FAM53C: variants seen among roughly 807,000 people sequenced by gnomAD.
FAM53C encodes the protein family with sequence similarity 53 member C.
Under a neutral mutation model 34.7 loss-of-function variants are expected in FAM53C, and 10 were observed. That is an observed-to-expected ratio of 0.29 (90% CI 0.18 to 0.49). The LOEUF is 0.49. Among genes scored for constraint, FAM53C ranks in the 20% least tolerant of loss-of-function variants. The probability of loss-of-function intolerance (pLI) is 0.99; values close to 1 mark genes in which losing one functional copy is unlikely to be tolerated. For missense variants in FAM53C, 442 were observed against 515.3 expected, an observed-to-expected ratio of 0.86 and a Z score of 1.38; for synonymous variants, 203 against 203.6, an observed-to-expected ratio of 1.00 and a Z score of 0.03.
At chr5:138,338,594 C>T (rs1024447688) in intron 1 of FAM53C, among the ~76,000 whole-genome samples, 2 of 149,486 alleles carry the variant, frequency 1.3e-5, no homozygotes, top group African/African-American at 2.5e-5. Context: ...GGCGCACCCC[C>T]CCCCCCGCCC....
intron 3 of FAM53C, chr5:138,342,486 G>A (rs1761060691): frequency 6.6e-6 from 1 of 152,196 alleles, no homozygotes; most frequent in African/African-American, 2.4e-5. Context: ...CCAGCACTTT[G>A]GGAGGCCAAG....
At chr5:138,339,691 C>G (rs958701551) in intron 1 of FAM53C, among the ~76,000 whole-genome samples, 2 of 152,138 alleles carry the variant, frequency 1.3e-5, no homozygotes, top group African/African-American at 4.8e-5. Context: ...TTAGCTTCTC[C>G]CGTAAGAATA....
intron 1 of FAM53C, among the ~76,000 whole-genome samples, chr5:138,339,619 C>T (rs1760967981): frequency 6.6e-6 from 1 of 152,184 alleles, no homozygotes; most frequent in African/African-American, 2.4e-5. Flanking sequence ...CTTAGGTTCC[C>T]TCTCTGGTTG....
chr5:138,344,978 G>C lies in FAM53C; in HGVS notation c.290G>C (p.Arg97Thr). The C allele has an allele frequency of 6.2e-7, 1 of 1,613,946 alleles. No homozygotes were observed. ...GAGCAGCCCTTCTCCCAAGTCCTAA[G>C]ACCTGAGCCCCCAGATCCAGAGAAG... The part of the protein sequence containing the change: ...PKEQPFSQVL[R>T]PEPPDPEKLP... Residue 97 changes from arginine to threonine, a missense_variant, in exon 4 of 5, where the codon AGA (arginine) becomes ACA (threonine). Transcript: ENST00000239906.
At position 138,348,535 on chromosome 5, in the gene FAM53C, T is replaced by A. The variant is rs1240748392; in HGVS notation, c.*1576T>A. 1 of 152,162 alleles carries A rather than the reference T, an allele frequency of 6.6e-6. No individual in the cohort carries two copies. The highest frequency in any genetic ancestry group is 2.4e-5 in the African/African-American group (1 of 41,436). 9.4% of individuals were successfully genotyped at this position (152,162 alleles called of 1,614,324 possible). On this transcript the variant is annotated 3_prime_UTR_variant, in exon 5 of 5. Coordinates refer to ENST00000239906, the MANE Select transcript of FAM53C (RefSeq NM_016605.3). ...GTTTCCTAGGACCCAGTTCCTCATG[T>A]AAGGGAGGAAGACCAAGGTCTTTGT... is the stretch of plus-strand genomic sequence containing the variant.
chr5:138,349,172 G>A lies in FAM53C; in HGVS notation c.*2213G>A, dbSNP rs1469440921. 1 of 152,572 alleles carries A rather than the reference G, an allele frequency of 6.6e-6. No homozygotes were observed. Among genetic ancestry groups the A allele is most frequent in the Non-Finnish European group, 1.5e-5 (1 of 68,042 alleles). 9.5% of individuals were successfully genotyped at this position (152,572 alleles called of 1,614,324 possible). ...GCCCTGGAACACTTTTCAAGAATTG[G>A]TTCATTTTGCTTTACACAGTAGATC... On this transcript the variant is annotated 3_prime_UTR_variant, in exon 5 of 5. Coordinates refer to ENST00000239906, the MANE Select transcript of FAM53C (RefSeq NM_016605.3).
rs373425900 is a variant in FAM53C, at chr5:138,338,298, A to T, written c.-162A>T. The T allele has an allele frequency of 7.6e-6, 5 of 658,628 alleles. No individual in the cohort carries two copies. The highest frequency in any genetic ancestry group is 9.6e-6 in the Non-Finnish European group (4 of 414,912). The allele number at this position is 658,628 out of a possible 1,614,324, so 40.8% of individuals were successfully genotyped here. A position where few individuals can be genotyped will look rare whatever the true frequency, so the allele number is the denominator to read the frequency against. Reference sequence around the variant, plus strand: ...CTCCGGCCGCGGCCCTGGGAGCTGGAGGAACCGCGGTAGGTGGTGGAGGGC... The same window carrying T: ...CTCCGGCCGCGGCCCTGGGAGCTGGTGGAACCGCGGTAGGTGGTGGAGGGC... On this transcript the variant is annotated 5_prime_UTR_variant, in exon 1 of 5. Transcript: ENST00000239906.
chr5:138,348,301 C>T lies in FAM53C; in HGVS notation c.*1342C>T, dbSNP rs1761235357. On this transcript the variant is annotated 3_prime_UTR_variant, in exon 5 of 5. Coordinates refer to ENST00000239906, the MANE Select transcript of FAM53C (RefSeq NM_016605.3). ...ATTGAATTTACTTTTTTGTTTCTCA[C>T]CCGCAACTTGAGCCAGGACAGCTGG... 1 of 152,584 alleles carries T rather than the reference C, an allele frequency of 6.6e-6. No homozygotes were observed. Among genetic ancestry groups the T allele is most frequent in the South Asian group, 2.1e-4 (1 of 4,828 alleles). 9.5% of individuals were successfully genotyped at this position (152,584 alleles called of 1,614,324 possible).
At position 138,346,684 on chromosome 5, in the gene FAM53C, T is replaced by C. The variant is rs1295223906; in HGVS notation, c.922-18T>C. 1 of 1,613,878 alleles carries C rather than the reference T, an allele frequency of 6.2e-7. No individual in the cohort carries two copies. Among genetic ancestry groups the C allele is most frequent in the East Asian group, 2.2e-5 (1 of 44,878 alleles). On this transcript the variant is annotated intron_variant, in intron 4 of 4. Transcript: ENST00000239906. ...TTCTTGCCTTCAGGTGTAACTGTCT[T>C]CTTTGTTTGTTTGACAGAAACCATA...
At chr5:138,339,880 A>G (rs1162307286) in intron 1 of FAM53C, among the ~76,000 whole-genome samples, 1 of 152,170 alleles carries the variant, frequency 6.6e-6, no homozygotes, top group Admixed American at 6.5e-5. Context: ...CCTCCTTCTA[A>G]GGTGTGAGTG....
At chr5:138,340,490 G>A (rs892274011) in intron 1 of FAM53C, among the ~76,000 whole-genome samples, 1 of 152,196 alleles carries the variant, frequency 6.6e-6, no homozygotes, top group African/African-American at 2.4e-5. Context: ...TTGACCACGA[G>A]AAAGAATCTT....
At chr5:138,346,026 A>G (rs550805351) in intron 4 of FAM53C, among the ~76,000 whole-genome samples, 12 of 152,226 alleles carry the variant, frequency 7.9e-5, no homozygotes, top group Admixed American at 2.6e-4. Flanking sequence ...CTGAAGCAAG[A>G]TGGGCTGCTA....
chr5:138,339,311 A>G (rs1007047791), intron 1 of FAM53C, among the ~76,000 whole-genome samples: 8 of 151,960 alleles, frequency 5.3e-5, no homozygotes, highest in Non-Finnish European at 1.0e-4. Flanking sequence ...TCCTGGTTTG[A>G]TTCCTTATGG....
At chr5:138,341,631 G>C in intron 2 of FAM53C, 178 bp from the exon 3 acceptor site, 1 of 724,296 alleles carries the variant, frequency 1.4e-6, no homozygotes, top group Middle Eastern at 2.5e-4. Flanking sequence ...AAGGGTTTGA[G>C]ATGTTGGAAG....
chr5:138,339,233 T>TA (rs1347039915), intron 1 of FAM53C, among the ~76,000 whole-genome samples: 1 of 152,180 alleles, frequency 6.6e-6, no homozygotes, highest in African/African-American at 2.4e-5. Context: ...GAGGGCTTCT[T>TA]ACACTTTTTT....
At position 138,349,322 on chromosome 5, in the gene FAM53C, T is replaced by G. The variant is rs1223209357; in HGVS notation, c.*2363T>G. ...GCAACCTCCCTCCACTTTAGCTGTT[T>G]TGACTATTTGAATTTTCACATATTG... On this transcript the variant is annotated 3_prime_UTR_variant, in exon 5 of 5. Transcript: ENST00000239906. 6.5e-6 allele frequency: 1 copy of G among 152,698 alleles called. No individual in the cohort carries two copies. Among genetic ancestry groups the G allele is most frequent in the Non-Finnish European group, 1.5e-5 (1 of 68,060 alleles). The allele number at this position is 152,698 out of a possible 1,614,324, so 9.5% of individuals were successfully genotyped here. A position where few individuals can be genotyped will look rare whatever the true frequency, so the allele number is the denominator to read the frequency against.
At chr5:138,341,472 T>C (rs997103761) in intron 2 of FAM53C, 59 bp downstream of exon 2, 16 of 1,396,038 alleles carry the variant, frequency 1.1e-5, no homozygotes, top group African/African-American at 2.8e-5. Flanking sequence ...CTGAGGCTGA[T>C]TGTTGCTATT....
At position 138,348,645 on chromosome 5, in the gene FAM53C, T is replaced by C. The variant is rs1196303613; in HGVS notation, c.*1686T>C. On this transcript the variant is annotated 3_prime_UTR_variant, in exon 5 of 5. Transcript: ENST00000239906. ...TCAGTGAGGCTTCAGCCTCCTCGTC[T>C]CCACTCCAGAGAGGAGGTGGCTATG... 6.6e-6 allele frequency: 1 copy of C among 152,188 alleles called. No homozygotes were observed. The highest frequency in any genetic ancestry group is 1.5e-5 in the Non-Finnish European group (1 of 68,034). The allele number at this position is 152,188 out of a possible 1,614,324, so 9.4% of individuals were successfully genotyped here.
At position 138,345,258 on chromosome 5, in the gene FAM53C, C is replaced by A. The variant is rs1388276180; in HGVS notation, c.570C>A (p.Ser190Arg). 1 of 1,614,236 alleles carries A rather than the reference C, an allele frequency of 6.2e-7. No homozygotes were observed. Among genetic ancestry groups the A allele is most frequent in the Non-Finnish European group, 8.5e-7 (1 of 1,180,052 alleles). ...SQCAPAHRPY[S>R]PPFFSLALAQ... ...GTGCCCCAGCTCACAGACCCTACAG[C>A]CCTCCTTTCTTCAGCCTGGCCCTGG... The change falls in exon 4 of 5, where the codon AGC becomes AGA. Residue 190 changes from serine (S) to arginine (R), a missense_variant. Physicochemically the swap from Ser to Arg is moderately radical, Grantham distance 110. Coordinates refer to ENST00000239906, the MANE Select transcript of FAM53C (RefSeq NM_016605.3). The surrounding 1 kb of genome is among the most constrained non-coding windows in gnomAD (Gnocchi z 6.3).
Sources: allele counts gnomAD v4.1 joint callset (sites outside exome capture counted in the v4.1 genomes callset), GRCh38; gene constraint gnomAD v4.1.1; non-coding constraint Gnocchi (gnomAD v3.1); transcripts MANE v1.5; gene names NCBI Gene and HGNC (gene_info 2026-07-23, HGNC 2026-07-21).